Variants in CTNND2 observed in about 807,000 individuals in gnomAD.
The protein encoded by CTNND2 is catenin delta-2.
In CTNND2, 22 loss-of-function variants were observed where a neutral mutation model predicts 144.4. The observed-to-expected ratio is 0.15, with a 90% CI of 0.11 to 0.22. CTNND2 has a LOEUF of 0.22. Among genes scored for constraint, CTNND2 ranks in the 10% least tolerant of loss-of-function variants. The pLI, the probability that CTNND2 is intolerant of heterozygous loss-of-function variation, is 1.00. For missense variants in CTNND2, 1,353 were observed against 1,618.8 expected, an observed-to-expected ratio of 0.84 and a Z score of 2.82; for synonymous variants, 751 against 695.6, an observed-to-expected ratio of 1.08 and a Z score of -1.25.
chr5:11,526,597 C>G (rs1056142277), intron 3 of CTNND2, among the ~76,000 whole-genome samples: 1 of 152,188 alleles, frequency 6.6e-6, no homozygotes, highest in African/African-American at 2.4e-5. Context: ...CAGCCCTCTT[C>G]TAAACATGTC....
chr5:11,769,529 C>A (rs1287733859), intron 1 of CTNND2, among the ~76,000 whole-genome samples: 1 of 152,094 alleles, frequency 6.6e-6, no homozygotes. Flanking sequence ...TAACATTCTT[C>A]TAGAGCTTAA....
chr5:11,410,798 C>T (rs1048242123), intron 5 of CTNND2, among the ~76,000 whole-genome samples: 5 of 151,356 alleles, frequency 3.3e-5, no homozygotes, highest in African/African-American at 1.2e-4. Flanking sequence ...CATTTTTTTT[C>T]CTATTTTGTC....
chr5:11,692,306 A>G (rs1784947088), intron 2 of CTNND2, among the ~76,000 whole-genome samples: 1 of 152,254 alleles, frequency 6.6e-6, no homozygotes, highest in African/African-American at 2.4e-5. Flanking sequence ...GTAAAAGAAT[A>G]TGATTCCCAA....
chr5:11,012,764 G>C (rs769609007), intron 18 of CTNND2, among the ~76,000 whole-genome samples: 4 of 152,200 alleles, frequency 2.6e-5, no homozygotes, highest in Non-Finnish European at 4.4e-5. Flanking sequence ...ACACCAATGT[G>C]ATCTCCAGTT....
intron 1 of CTNND2, among the ~76,000 whole-genome samples, chr5:11,798,111 A>C (rs1791494011): frequency 6.6e-6 from 1 of 151,964 alleles, no homozygotes; most frequent in Admixed American, 6.6e-5. Context: ...TACAAAAAAA[A>C]AATAGCCAGT....
intron 3 of CTNND2, among the ~76,000 whole-genome samples, chr5:11,440,744 T>C (rs1764189002): frequency 6.6e-6 from 1 of 152,198 alleles, no homozygotes; most frequent in Non-Finnish European, 1.5e-5. Context: ...TATGACAAGG[T>C]AGTTTTATGT....
intron 9 of CTNND2, among the ~76,000 whole-genome samples, chr5:11,323,770 G>A (rs1305447011): frequency 6.6e-6 from 1 of 152,210 alleles, no homozygotes; most frequent in African/African-American, 2.4e-5. Context: ...TCTACTAGGT[G>A]TAAATATGAC....
intron 2 of CTNND2, among the ~76,000 whole-genome samples, chr5:11,716,710 G>A (rs999765584): frequency 1.4e-4 from 21 of 150,030 alleles, no homozygotes; most frequent in African/African-American, 5.2e-4. Context: ...TTTATGAGAC[G>A]GAGTCTTGCT....
chr5:11,081,060 C>G (rs1749495066), intron 16 of CTNND2, among the ~76,000 whole-genome samples: 1 of 119,884 alleles, frequency 8.3e-6, no homozygotes, highest in Admixed American at 8.5e-5. Context: ...CTGAGCAACA[C>G]ATGAGACCCT....
intron 11 of CTNND2, among the ~76,000 whole-genome samples, chr5:11,183,282 C>A (rs1204600971): frequency 6.6e-6 from 1 of 152,178 alleles, no homozygotes; most frequent in Non-Finnish European, 1.5e-5. Context: ...ATGTTAAATA[C>A]AAATTTCTAT....
intron 3 of CTNND2, among the ~76,000 whole-genome samples, chr5:11,503,394 C>T (rs1770720618): frequency 6.6e-6 from 1 of 152,180 alleles, no homozygotes. Context: ...GAATCTTGTT[C>T]TCAATTGAAA....
chr5:11,437,600 A>C (rs1268981657), intron 3 of CTNND2, among the ~76,000 whole-genome samples: 2 of 152,218 alleles, frequency 1.3e-5, no homozygotes, highest in Non-Finnish European at 2.9e-5. Flanking sequence ...TGAATTGGGC[A>C]TAATAAGGGA....
intron 1 of CTNND2, among the ~76,000 whole-genome samples, chr5:11,804,626 A>G (rs1791892042): frequency 6.6e-6 from 1 of 152,172 alleles, no homozygotes; most frequent in Admixed American, 6.5e-5. Flanking sequence ...TTCCAATTGT[A>G]TGGTATTCTA....
intron 20 of CTNND2, among the ~76,000 whole-genome samples, chr5:10,985,040 CT>C (rs2149490669): frequency 6.6e-6 from 1 of 152,090 alleles, no homozygotes; most frequent in Admixed American, 6.5e-5. Flanking sequence ...CGCCACTGCA[CT>C]CCAGCCTGGG....
chr5:11,827,229 G>A (rs1342415091), intron 1 of CTNND2, among the ~76,000 whole-genome samples: 1 of 152,070 alleles, frequency 6.6e-6, no homozygotes, highest in Admixed American at 6.6e-5. Flanking sequence ...ATAATTCATG[G>A]GATGTCAAAG....
chr5:11,738,688 A>G (rs1264851029), intron 1 of CTNND2, among the ~76,000 whole-genome samples: 1 of 152,210 alleles, frequency 6.6e-6, no homozygotes, highest in Non-Finnish European at 1.5e-5. Context: ...CATCTTCAAC[A>G]AAATAACTGA....
At chr5:10,974,992 G>A (rs1736273683) in intron 21 of CTNND2, among the ~76,000 whole-genome samples, 1 of 152,176 alleles carries the variant, frequency 6.6e-6, no homozygotes, top group Admixed American at 6.5e-5. Flanking sequence ...TGTCTAGTTA[G>A]TGGTAGCTGA....
At chr5:11,389,241 A>G (rs1023182111) in intron 6 of CTNND2, among the ~76,000 whole-genome samples, 1 of 152,208 alleles carries the variant, frequency 6.6e-6, no homozygotes, top group Admixed American at 6.5e-5. Flanking sequence ...CGAGAAATGG[A>G]CAAGGAAGCA....
At chr5:10,981,586 A>AACACACACACACAC (rs112742699) in intron 21 of CTNND2, among the ~76,000 whole-genome samples, 187 bp downstream of exon 21, 1 of 150,378 alleles carries the variant, frequency 6.6e-6, no homozygotes, top group Non-Finnish European at 1.5e-5. Flanking sequence ...TGCCGAGTCC[A>AACACACACACACAC]ACACACACAC....
Sources: gnomAD v4.1 joint callset for allele counts (sites outside exome capture counted in the v4.1 genomes callset) on GRCh38, gnomAD v4.1.1 for gene constraint, MANE v1.5 for transcripts, NCBI Gene and HGNC (gene_info 2026-07-23, HGNC 2026-07-21) for gene names.